The following MDGA2 variants were observed in gnomAD, a reference collection of about 807,000 sequenced individuals.
MDGA2 encodes MAM domain-containing glycosylphosphatidylinositol anchor protein 2.
A neutral mutation model predicts 117.8 loss-of-function variants in MDGA2; 40 were observed. That is an observed-to-expected ratio of 0.34 (90% CI 0.26 to 0.44). The LOEUF is 0.44. Ranked by LOEUF, MDGA2 falls within the 20% of genes least tolerant of loss-of-function variation. The probability of loss-of-function intolerance (pLI) is 1.00; values close to 1 mark genes in which losing one functional copy is unlikely to be tolerated. For missense variants in MDGA2, 1,123 were observed against 1,250.6 expected, an observed-to-expected ratio of 0.90 and a Z score of 1.54; for synonymous variants, 452 against 439.0, an observed-to-expected ratio of 1.03 and a Z score of -0.37.
Position 46,851,787 on chromosome 14 carries a change from A to G in MDGA2, c.2883+3237T>C, listed in dbSNP as rs146153427. ...ATTTGAGTAATATTAAAACCTCTCA[A>G]ACCTTAATTTATATAGTAATATATT... is the stretch of plus-strand genomic sequence containing the variant. On this transcript the variant is annotated intron_variant, in intron 15 of 16. Transcript: ENST00000399232. Among the ~76,000 whole-genome samples the G allele has an allele frequency of 2.2e-3, 337 of 151,924 alleles. 1 individual carries two copies. Among genetic ancestry groups the G allele is most frequent in the African/African-American group, 7.7e-3 (321 of 41,506 alleles).
Position 46,841,817 on chromosome 14 carries a change from G to C in MDGA2, c.*114C>G. 1.5e-6 allele frequency: 1 copy of C among 653,314 alleles called. No homozygotes were observed. Among genetic ancestry groups the C allele is most frequent in the African/African-American group, 1.9e-5 (1 of 53,690 alleles). The allele number at this position is 653,314 out of a possible 1,614,324, so 40.5% of individuals were successfully genotyped here. On this transcript the variant is annotated 3_prime_UTR_variant, in exon 17 of 17. Coordinates refer to ENST00000399232, the MANE Select transcript of MDGA2 (RefSeq NM_001113498.3). ...TTTGTTTTTATTATTTTATTTTTGA[G>C]TCAGTAGTCAGTGGAGGAATCTTTG...
Position 47,089,669 on chromosome 14 carries a change from T to C in MDGA2, c.1195+7185A>G, listed in dbSNP as rs115742922. On this transcript the variant is annotated intron_variant, in intron 6 of 16. Coordinates refer to ENST00000399232, the MANE Select transcript of MDGA2 (RefSeq NM_001113498.3). Reference sequence around the variant, plus strand: ...GCACAACCTGCAGGTTTGTTACATATGTATAGCACATATATACCATGGAAT... The same window carrying C: ...GCACAACCTGCAGGTTTGTTACATACGTATAGCACATATATACCATGGAAT... 4.0e-3 allele frequency among the ~76,000 whole-genome samples: 613 copies of C among 152,196 alleles called. 6 individuals are homozygous for C. The highest frequency in any genetic ancestry group is 0.014 in the African/African-American group (575 of 41,532).
chr14:46,950,881 TA>T (rs199617067), intron 9 of MDGA2, among the ~76,000 whole-genome samples: 13 of 148,636 alleles, frequency 8.7e-5, no homozygotes, highest in East Asian at 5.9e-4. Context: ...AGTCCAAATT[TA>T]AAAAAAAAAG....
intron 15 of MDGA2, among the ~76,000 whole-genome samples, chr14:46,852,298 A>G (rs1881090017): frequency 6.6e-6 from 1 of 151,604 alleles, no homozygotes; most frequent in African/African-American, 2.4e-5. Context: ...GATATCAGAT[A>G]ATGAAGAAGT....
At chr14:47,064,081 C>A (rs1429807251) in intron 6 of MDGA2, among the ~76,000 whole-genome samples, 1 of 151,070 alleles carries the variant, frequency 6.6e-6, no homozygotes, top group Non-Finnish European at 1.5e-5. Flanking sequence ...ACTTTAAAAC[C>A]CAAAGAAAAA....
chr14:46,849,243 C>A (rs1880965314), intron 15 of MDGA2, among the ~76,000 whole-genome samples: 1 of 151,814 alleles, frequency 6.6e-6, no homozygotes, highest in Admixed American at 6.6e-5. Context: ...TCCACAAGGA[C>A]CTTTTTGAAC....
intron 1 of MDGA2, among the ~76,000 whole-genome samples, chr14:47,302,092 C>G (rs1290653493): frequency 6.6e-6 from 1 of 152,056 alleles, no homozygotes; most frequent in African/African-American, 2.4e-5. Flanking sequence ...TTGATGTAAA[C>G]AAAGTATGAT....
intron 8 of MDGA2, among the ~76,000 whole-genome samples, chr14:47,010,359 A>T (rs1887856289): frequency 6.6e-6 from 1 of 151,570 alleles, no homozygotes; most frequent in Non-Finnish European, 1.5e-5. Flanking sequence ...AAATAGATAT[A>T]AAAAAATAAC....
chr14:47,165,978 C>G (rs1444895286), intron 3 of MDGA2, among the ~76,000 whole-genome samples: 1 of 151,334 alleles, frequency 6.6e-6, no homozygotes, highest in Non-Finnish European at 1.5e-5. Flanking sequence ...TCATATACAC[C>G]TATACACCCT....
chr14:47,094,104 G>A lies in MDGA2; in HGVS notation c.1195+2750C>T, dbSNP rs143394572. Among the ~76,000 whole-genome samples the A allele has an allele frequency of 3.0e-4, 45 of 149,974 alleles. 1 individual carries two copies. Among genetic ancestry groups the A allele is most frequent in the African/African-American group, 9.9e-4 (40 of 40,236 alleles). On this transcript the variant is annotated intron_variant, in intron 6 of 16. Transcript: ENST00000399232. ...CAGAAATCAGATGCCTCATATTATT[G>A]TAGTGGTTTTTCTCCCCACAGTTTA...
intron 1 of MDGA2, among the ~76,000 whole-genome samples, chr14:47,466,696 A>G (rs1297975910): frequency 6.6e-6 from 1 of 152,138 alleles, no homozygotes; most frequent in Non-Finnish European, 1.5e-5. Flanking sequence ...TTCAAAGTGA[A>G]GTCTACAAAA....
chr14:47,396,312 T>C (rs1027896837), intron 1 of MDGA2, among the ~76,000 whole-genome samples: 1 of 152,148 alleles, frequency 6.6e-6, no homozygotes, highest in Non-Finnish European at 1.5e-5. Context: ...GATTTAAATG[T>C]AAGACCTAAA....
intron 1 of MDGA2, among the ~76,000 whole-genome samples, chr14:47,415,066 A>C (rs2138494188): frequency 6.6e-6 from 1 of 152,208 alleles, no homozygotes; most frequent in Non-Finnish European, 1.5e-5. Flanking sequence ...CAATAAACTA[A>C]TGTTACTATT....
chr14:47,370,618 T>A (rs1891335527), intron 1 of MDGA2, among the ~76,000 whole-genome samples: 2 of 151,006 alleles, frequency 1.3e-5, no homozygotes, highest in Admixed American at 6.6e-5. Context: ...ATGTGTTGTT[T>A]ATTGAAATAG....
chr14:47,482,854 T>TA (rs1311422799), intron 1 of MDGA2, among the ~76,000 whole-genome samples: 1 of 150,046 alleles, frequency 6.7e-6, no homozygotes, highest in Admixed American at 6.7e-5. Flanking sequence ...AGATATATTC[T>TA]AAAAATATAG....
At chr14:47,312,924 AT>A (rs1448797225) in intron 1 of MDGA2, among the ~76,000 whole-genome samples, 4 of 110,156 alleles carry the variant, frequency 3.6e-5, no homozygotes, top group Non-Finnish European at 7.7e-5. Context: ...AATTATATAT[AT>A]ACATATATAT....
At chr14:47,579,197 T>C (rs991570260) in intron 1 of MDGA2, among the ~76,000 whole-genome samples, 1 of 152,120 alleles carries the variant, frequency 6.6e-6, no homozygotes, top group Non-Finnish European at 1.5e-5. Context: ...CAAAATAGAA[T>C]GGATCAAGTT....
chr14:47,221,808 A>G (rs1886313548), intron 2 of MDGA2, among the ~76,000 whole-genome samples: 1 of 151,772 alleles, frequency 6.6e-6, no homozygotes, highest in Non-Finnish European at 1.5e-5. Flanking sequence ...ATATACATTT[A>G]ATTTTTATTT....
intron 1 of MDGA2, among the ~76,000 whole-genome samples, chr14:47,414,328 C>T (rs557622457): frequency 3.3e-5 from 5 of 152,058 alleles, no homozygotes; most frequent in East Asian, 1.9e-4. Context: ...AATCTTTCTA[C>T]GATTGAGTAT....
Sources: gnomAD v4.1 joint callset for allele counts (sites outside exome capture counted in the v4.1 genomes callset) on GRCh38, gnomAD v4.1.1 for gene constraint, MANE v1.5 for transcripts, NCBI Gene and HGNC (gene_info 2026-07-23, HGNC 2026-07-21) for gene names.